The following TXNDC8 variants were observed in gnomAD, a reference collection of about 807,000 sequenced individuals.
TXNDC8 encodes thioredoxin domain-containing protein 8.
TXNDC8 carries 15 observed loss-of-function variants against 12.9 expected under a neutral mutation model. The ratio of observed to expected loss-of-function variants is 1.16; its 90% confidence interval spans 0.78 to 1.79. TXNDC8 has a LOEUF of 1.79. Ranked by LOEUF, TXNDC8 falls within the 40% of genes most tolerant of loss-of-function variation. TXNDC8 has a pLI of 0.00. For missense variants in TXNDC8, 128 were observed against 113.2 expected, an observed-to-expected ratio of 1.13 and a Z score of -0.59; for synonymous variants, 40 against 35.4, an observed-to-expected ratio of 1.13 and a Z score of -0.46.
At chr9:110,324,666 T>A (rs1839235487) in intron 3 of TXNDC8, among the ~76,000 whole-genome samples, 1 of 152,088 alleles carries the variant, frequency 6.6e-6, no homozygotes, top group African/African-American at 2.4e-5. Context: ...ATGAAACTGT[T>A]TTTTTTTCCT....
intron 2 of TXNDC8, 123 bp downstream of exon 3, chr9:110,329,109 G>GA (rs1002749464): frequency 1.3e-5 from 11 of 828,990 alleles, no homozygotes; most frequent in Non-Finnish European, 1.7e-5. Flanking sequence ...GTAGTTATTA[G>GA]AAAAAATGTA....
chr9:110,304,688 G>A (rs1838361320), intron 3 of TXNDC8, among the ~76,000 whole-genome samples, 156 bp from the exon 5 acceptor site: 1 of 152,152 alleles, frequency 6.6e-6, no homozygotes. Context: ...GCAGCTGGGT[G>A]GTGGCTCTTT....
intron 2 of TXNDC8, 104 bp from the exon 4 acceptor site, chr9:110,326,344 G>A: frequency 8.9e-7 from 1 of 1,117,328 alleles, no homozygotes; most frequent in South Asian, 1.3e-5. Flanking sequence ...GAAATTCCAA[G>A]GACACCTGAC....
At chr9:110,326,079 T>G in intron 3 of TXNDC8, 96 bp downstream of exon 4, 1 of 1,157,876 alleles carries the variant, frequency 8.6e-7, no homozygotes, top group Non-Finnish European at 1.3e-6. Flanking sequence ...AAAATAAATG[T>G]AGTTATTTCA....
chr9:110,335,563 T>C (rs1454409258), intron 1 of TXNDC8, among the ~76,000 whole-genome samples: 1 of 152,260 alleles, frequency 6.6e-6, no homozygotes, highest in African/African-American at 2.4e-5. Context: ...GTACTATTAT[T>C]ATCTCCATTT....
chr9:110,333,028 A>G (rs1182661876), intron 2 of TXNDC8, among the ~76,000 whole-genome samples: 2 of 152,254 alleles, frequency 1.3e-5, no homozygotes, highest in Non-Finnish European at 2.9e-5. Flanking sequence ...TATGTAAAAT[A>G]TAGTCAACTT....
At position 110,323,030 on chromosome 9, in the gene TXNDC8, T is replaced by C. The variant is rs890757478; in HGVS notation, c.195+3145A>G. 5 of 985,246 alleles carry C rather than the reference T, an allele frequency of 5.1e-6. No homozygotes were observed. The East Asian group carries it at 5.7e-4, about 112-fold the overall frequency. The allele number at this position is 985,246 out of a possible 1,614,324, so 61.0% of individuals were successfully genotyped here. Reference sequence around the variant, plus strand: ...TTATGGAGAAACTTGAATGCCAGCCTTAAATACAATGGTTTAGCCTTGATT... The same window carrying C: ...TTATGGAGAAACTTGAATGCCAGCCCTAAATACAATGGTTTAGCCTTGATT... On this transcript the variant is annotated intron_variant, in intron 3 of 4. Coordinates refer to ENST00000423740, the MANE Select transcript of TXNDC8 (RefSeq NM_001286946.2).
intron 1 of TXNDC8, among the ~76,000 whole-genome samples, chr9:110,336,058 C>T (rs1839745132): frequency 6.6e-6 from 1 of 152,200 alleles, no homozygotes; most frequent in Non-Finnish European, 1.5e-5. Context: ...GGGCAGTTCC[C>T]CTGCACACGC....
intron 3 of TXNDC8, among the ~76,000 whole-genome samples, chr9:110,325,712 G>A (rs776152302): frequency 4.7e-4 from 71 of 151,968 alleles, no homozygotes; most frequent in Non-Finnish European, 8.4e-4. Context: ...ATAGAGACGG[G>A]GTTTCACTGT....
intron 1 of TXNDC8, among the ~76,000 whole-genome samples, chr9:110,335,512 A>G (rs1839713940): frequency 6.6e-6 from 1 of 152,190 alleles, no homozygotes; most frequent in African/African-American, 2.4e-5. Context: ...TCTGTGCCCT[A>G]TATTCTCTCC....
Position 110,334,308 on chromosome 9 carries a change from T to G in TXNDC8, c.37A>C (p.Thr13Pro). ...TTGTGTCCGGCAGCTGTCAAAAATG[T>G]TTTAAATTCATTCTGAAAACAGAAA... The change falls in exon 2 of 5, where the codon ACA becomes CCA. Residue 13 changes from threonine to proline, a missense_variant. Coordinates refer to ENST00000423740, the MANE Select transcript of TXNDC8 (RefSeq NM_001286946.2). The G allele has an allele frequency of 6.2e-7, 1 of 1,612,918 alleles. No individual in the cohort carries two copies. The highest frequency in any genetic ancestry group is 1.7e-4 in the Middle Eastern group (1 of 6,060).
At chr9:110,313,477 G>C (rs1332459702) in intron 3 of TXNDC8, among the ~76,000 whole-genome samples, 1 of 152,116 alleles carries the variant, frequency 6.6e-6, no homozygotes, top group African/African-American at 2.4e-5. Context: ...GACGTGGGCA[G>C]ATCACCTGAG....
At chr9:110,322,783 C>T in intron 3 of TXNDC8, 1 of 985,512 alleles carries the variant, frequency 1.0e-6, no homozygotes, top group South Asian at 4.7e-5. Flanking sequence ...GCTGAGCTGG[C>T]AGTGGGATGC....
downstream of TXNDC8, among the ~76,000 whole-genome samples, chr9:110,302,818 C>A (rs1199334586): frequency 2.0e-5 from 3 of 151,992 alleles, no homozygotes; most frequent in Non-Finnish European, 2.9e-5. Flanking sequence ...AATCCCAGAA[C>A]TTTGGGAGGC....
chr9:110,311,557 A>T (rs1554702023), intron 3 of TXNDC8, among the ~76,000 whole-genome samples: 47 of 125,924 alleles, frequency 3.7e-4, no homozygotes, highest in Admixed American at 4.9e-4. Context: ...ATATATATAT[A>T]TCTCCATACT....
At chr9:110,306,350 A>C (rs2093320875) in intron 3 of TXNDC8, among the ~76,000 whole-genome samples, 1 of 152,186 alleles carries the variant, frequency 6.6e-6, no homozygotes, top group African/African-American at 2.4e-5. Flanking sequence ...TGACTTTAGC[A>C]ATGGCTATAT....
chr9:110,333,285 C>T (rs887644099), intron 2 of TXNDC8, among the ~76,000 whole-genome samples: 4 of 152,248 alleles, frequency 2.6e-5, no homozygotes, highest in South Asian at 2.1e-4. Context: ...GGAATTAGAT[C>T]CTCATAGGAG....
chr9:110,331,790 C>A (rs957690783), intron 2 of TXNDC8, among the ~76,000 whole-genome samples: 9 of 152,150 alleles, frequency 5.9e-5, no homozygotes, highest in African/African-American at 1.9e-4. Flanking sequence ...CCTAATGCTG[C>A]CGCTAATATA....
At chr9:110,329,427 A>C (rs938591590) in intron 2 of TXNDC8, 136 bp from the exon 3 acceptor site, 1 of 663,358 alleles carries the variant, frequency 1.5e-6, no homozygotes, top group African/African-American at 1.8e-5. Context: ...CTGACATTTC[A>C]CTACAGCCTA....
Sources: allele counts gnomAD v4.1 joint callset (sites outside exome capture counted in the v4.1 genomes callset), GRCh38; gene constraint gnomAD v4.1.1; transcripts MANE v1.5; gene names NCBI Gene and HGNC (gene_info 2026-07-23, HGNC 2026-07-21).